ZBTB46: variants seen among roughly 807,000 people sequenced by gnomAD.
The protein encoded by ZBTB46 is zinc finger and BTB domain-containing protein 46.
In ZBTB46, 8 loss-of-function variants were observed where a neutral mutation model predicts 44.1. The ratio of observed to expected loss-of-function variants is 0.18; its 90% CI spans 0.11 to 0.33. The LOEUF is 0.33. Ranked by LOEUF, ZBTB46 falls within the 10% of genes least tolerant of loss-of-function variation. ZBTB46 has a pLI of 1.00. For synonymous variants in ZBTB46, 409 were observed against 382.3 expected (o/e 1.07, Z -0.81); for missense variants, 651 against 847.7 (o/e 0.77, Z 2.88).
At chr20:63,763,508 G>A (rs939588862) in intron 3 of ZBTB46, among the ~76,000 whole-genome samples, 1 of 152,186 alleles carries the variant, frequency 6.6e-6, no homozygotes, top group South Asian at 2.1e-4. Context: ...TCACAGGACA[G>A]GAGCAGGAGC....
rs755709471 is a variant in ZBTB46 at position 63,790,728 on chromosome 20, G to A, written c.30C>T (p.Ile10=). Reference sequence around the variant, plus strand: ...GCAGCAGGTGCCGGTAGTGGGACGTGATTTCCATATCTTCCTTTCGGTTGT... The same window carrying A: ...GCAGCAGGTGCCGGTAGTGGGACGTAATTTCCATATCTTCCTTTCGGTTGT... MNNRKEDME[I]TSHYRHLLRE... is the part of the protein sequence containing the mutation. Residue 10 remains isoleucine, a synonymous_variant, in exon 2 of 5, where the codon ATC becomes ATT. Transcript: ENST00000245663. The A allele has an allele frequency of 4.4e-6, 7 of 1,608,382 alleles. No individual in the cohort carries two copies. Among genetic ancestry groups the A allele is most frequent in the East Asian group, 4.5e-5 (2 of 44,796 alleles).
intron 2 of ZBTB46, among the ~76,000 whole-genome samples, chr20:63,782,223 T>C (rs1467712896): frequency 6.6e-6 from 1 of 151,966 alleles, no homozygotes; most frequent in South Asian, 2.1e-4. Context: ...TTTGCCACCT[T>C]GTGGCAGAAC....
rs970452525 is a variant in ZBTB46 at position 63,752,840 on chromosome 20, C to G, written c.1244G>C (p.Arg415Thr). 2 of 1,609,876 alleles carry G rather than the reference C, an allele frequency of 1.2e-6. No homozygotes were observed. Among genetic ancestry groups the G allele is most frequent in the African/African-American group, 2.7e-5 (2 of 74,812 alleles). Residue 415 changes from arginine to threonine, a missense_variant, in exon 4 of 5, where the codon AGG becomes ACG. Around this residue, in one of 5 missense-constraint regions of ZBTB46, gnomAD observed 385 missense variants for 423.3 expected, o/e 0.91. Transcript: ENST00000245663. This position sits in a 1 kb window ranked among gnomAD's most constrained non-coding sequence, Gnocchi z 5.6. ...SLSLNEFTVI[R>T]KKFKCPYCSF... ...GCAGTACGGACACTTGAACTTCTTC[C>G]TGATCACCGTGAACTCATTCACTGA...
chr20:63,776,064 A>C, intron 2 of ZBTB46, 102 bp from the exon 3 acceptor site: 2 of 1,386,672 alleles, frequency 1.4e-6, no homozygotes, highest in South Asian at 1.5e-5. Flanking sequence ...CTTCTGCCTG[A>C]GCTACAGAGC....
chr20:63,780,136 C>A (rs547186586), intron 2 of ZBTB46, among the ~76,000 whole-genome samples: 1 of 151,638 alleles, frequency 6.6e-6, no homozygotes, highest in South Asian at 2.1e-4. Flanking sequence ...CTAGGCATGG[C>A]GGTGCGTGCT....
At chr20:63,816,412 G>A (rs187369483) in intron 1 of ZBTB46, 240 of 161,042 alleles carry the variant, frequency 1.5e-3, no homozygotes, top group African/African-American at 5.8e-3. Flanking sequence ...AGCAAAGCAA[G>A]GACTCCATGA....
At position 63,767,417 on chromosome 20, in the gene ZBTB46, G is replaced by T. The variant is rs1229018192; in HGVS notation, c.1222+8261C>A. 1.3e-5 allele frequency among the ~76,000 whole-genome samples: 2 copies of T among 152,098 alleles called. No homozygotes were observed. Among genetic ancestry groups the T allele is most frequent in the Non-Finnish European group, 2.9e-5 (2 of 68,010 alleles). ...CCTTCACCTGGCAGCAGCCGGCAGA[G>T]GACTCGAGAAATGACCACAGAAAGG... On this transcript the variant is annotated intron_variant, in intron 3 of 4. Transcript: ENST00000245663. The surrounding 1 kb of genome is among the most constrained non-coding windows in gnomAD (Gnocchi z 5.0).
rs987471405 is a variant in ZBTB46 at position 63,752,365 on chromosome 20, C to CG, written c.1398+320dup. The stretch of plus-strand genomic sequence containing the variant: ...TCTCCCTCCCGAGGCAGGGCGGGGG[C>CG]GGGGGGGCGCAGAGGTGGCTGAGGG... On this transcript the variant is annotated intron_variant, in intron 4 of 4. Transcript: ENST00000245663. The surrounding 1 kb of genome is among the most constrained non-coding windows in gnomAD (Gnocchi z 5.6). Among the ~76,000 whole-genome samples the CG allele has an allele frequency of 2.1e-5, 3 of 143,698 alleles. No individual in the cohort carries two copies. Among genetic ancestry groups the CG allele is most frequent in the Non-Finnish European group, 3.1e-5 (2 of 64,854 alleles). 94.3% of individuals were successfully genotyped at this position (143,698 alleles called of 152,430 possible). A position where few individuals can be genotyped will look rare whatever the true frequency, so the allele number is the denominator to read the frequency against.
At chr20:63,789,387 C>T (rs1248262571) in intron 2 of ZBTB46, among the ~76,000 whole-genome samples, 1 of 152,210 alleles carries the variant, frequency 6.6e-6, no homozygotes, top group Admixed American at 6.5e-5. Context: ...GAGCTGAAGG[C>T]CACCCTGGCA....
At chr20:63,808,302 G>A (rs2092695086) in intron 1 of ZBTB46, 1 of 152,502 alleles carries the variant, frequency 6.6e-6, no homozygotes, top group Non-Finnish European at 1.5e-5. Flanking sequence ...GTACCCTGTA[G>A]GCCAGTCAAG....
chr20:63,747,300 A>G lies in ZBTB46; in HGVS notation c.1400T>C (p.Val467Ala). 8.0e-7 allele frequency: 1 copy of G among 1,244,334 alleles called. No individual in the cohort carries two copies. Among genetic ancestry groups the G allele is most frequent in the Non-Finnish European group, 1.0e-6 (1 of 971,326 alleles). 77.1% of individuals were successfully genotyped at this position (1,244,334 alleles called of 1,614,324 possible). Residue 467 changes from valine (V) to alanine (A), a missense_variant and splice_region_variant, in exon 5 of 5, where the codon GTC (valine) becomes GCC (alanine). By Grantham distance (64) the Val-to-Ala change is moderately conservative. Around this residue, in one of 5 missense-constraint regions of ZBTB46, gnomAD observed 75 missense variants for 107.8 expected, o/e 0.70. Coordinates refer to ENST00000245663, the MANE Select transcript of ZBTB46 (RefSeq NM_001369741.1). ...CACATACTTCTTGTCCTTGCTGTGG[A>G]CCTGCAGAGGCAGGGCAGGGGGTGA... ...RREHMKRHTL[V>A]HSKDKKYVCK...
chr20:63,762,073 G>A (rs1019274263), intron 3 of ZBTB46, among the ~76,000 whole-genome samples: 4 of 152,140 alleles, frequency 2.6e-5, no homozygotes, highest in Non-Finnish European at 5.9e-5. Context: ...TAATTGTGCT[G>A]TTACAGCCAG....
chr20:63,743,840 CCCA>C lies in ZBTB46; in HGVS notation c.*3087_*3089del, dbSNP rs1363741007. 1 of 152,310 alleles carries C rather than the reference CCCA, an allele frequency of 6.6e-6. No homozygotes were observed. The highest frequency in any genetic ancestry group is 1.5e-5 in the Non-Finnish European group (1 of 68,022). The allele number at this position is 152,310 out of a possible 1,614,324, so 9.4% of individuals were successfully genotyped here. ...AGGCAGGACGGCAGAGCCATGATTT[CCCA>C]CCGAGCGATTACGAGAACCTCTTCC... is the stretch of plus-strand genomic sequence containing the variant. On this transcript the variant is annotated 3_prime_UTR_variant, in exon 5 of 5. Transcript: ENST00000245663.
chr20:63,773,932 T>C (rs1455169800), intron 3 of ZBTB46, among the ~76,000 whole-genome samples: 1 of 152,158 alleles, frequency 6.6e-6, no homozygotes, highest in Admixed American at 6.5e-5. Flanking sequence ...ACTTTTGCAT[T>C]TGAGAGGGGA....
chr20:63,801,405 T>C (rs1179351906), intron 1 of ZBTB46, among the ~76,000 whole-genome samples: 2 of 152,052 alleles, frequency 1.3e-5, no homozygotes, highest in African/African-American at 4.8e-5. Flanking sequence ...GCCAATCAGC[T>C]CTCTCTAAAA....
At position 63,790,088 on chromosome 20, in the gene ZBTB46, C is replaced by G. The variant is rs1362612921; in HGVS notation, c.670G>C (p.Gly224Arg). The G allele has an allele frequency of 5.0e-6, 8 of 1,613,930 alleles. No homozygotes were observed. Among genetic ancestry groups the G allele is most frequent in the Non-Finnish European group, 6.8e-6 (8 of 1,180,040 alleles). Residue 224 changes from glycine (G) to arginine (R), a missense_variant, in exon 2 of 5, where the codon GGG (glycine) becomes CGG (arginine). Coordinates refer to ENST00000245663, the MANE Select transcript of ZBTB46 (RefSeq NM_001369741.1). ...QPLWPGDVGY[G>R]PLRIKEEQVS... ...TGCTCTTCCTTGATGCGCAGAGGCCCGTAGCCCACGTCTCCAGGCCATAGA... is the reference window on the plus strand; with the variant it reads ...TGCTCTTCCTTGATGCGCAGAGGCCGGTAGCCCACGTCTCCAGGCCATAGA...
intron 1 of ZBTB46, among the ~76,000 whole-genome samples, chr20:63,830,018 C>T (rs547331518): frequency 1.3e-5 from 2 of 152,348 alleles, no homozygotes; most frequent in East Asian, 3.9e-4. Flanking sequence ...CCACCGTAAT[C>T]CACTCCAAAT....
At chr20:63,772,122 G>A (rs994071197) in intron 3 of ZBTB46, among the ~76,000 whole-genome samples, 1 of 150,528 alleles carries the variant, frequency 6.6e-6, no homozygotes, top group African/African-American at 2.4e-5. Context: ...AGTCTCCCAA[G>A]TAGCTGAGAT....
intron 3 of ZBTB46, among the ~76,000 whole-genome samples, chr20:63,761,787 A>AAAG (rs2092280228): frequency 6.6e-6 from 1 of 151,958 alleles, no homozygotes. Flanking sequence ...GCCTCAAAAA[A>AAAG]AAAAAAAAAA....
Sources: gnomAD v4.1 joint callset for allele counts (sites outside exome capture counted in the v4.1 genomes callset) on GRCh38, gnomAD v4.1.1 for gene constraint, gnomAD v4.1.1 regional missense constraint, Gnocchi (gnomAD v3.1) non-coding constraint, MANE v1.5 for transcripts, NCBI Gene and HGNC (gene_info 2026-07-23, HGNC 2026-07-21) for gene names.